The following CHST8 variants were observed in gnomAD, a reference collection of about 807,000 sequenced individuals.
CHST8 encodes the protein GALNAC-4-ST1.
CHST8 carries 10 observed loss-of-function variants against 15.0 expected under a neutral mutation model. That is an observed-to-expected ratio of 0.67 (90% CI 0.41 to 1.13). CHST8 has a LOEUF of 1.13. Ranked by LOEUF, CHST8 falls within the 50% of genes most tolerant of loss-of-function variation. CHST8 has a pLI of 0.00. For missense variants in CHST8, 634 were observed against 608.2 expected, an observed-to-expected ratio of 1.04 and a Z score of -0.45; for synonymous variants, 259 against 256.6, an observed-to-expected ratio of 1.01 and a Z score of -0.09.
In CHST8 at chr19:33,687,900, A is replaced by G. The variant is rs887247013; in HGVS notation, c.-86-1276A>G. Among the ~76,000 whole-genome samples, 3 of 152,150 alleles carry G rather than the reference A, an allele frequency of 2.0e-5. No homozygotes were observed. The South Asian group carries it at 6.2e-4, about 32-fold the overall frequency. On this transcript the variant is annotated intron_variant, in intron 2 of 4. Transcript: ENST00000650847. Reference sequence around the variant, plus strand: ...GGGAGATGTCCTTGGGCCGAGCAGCATATTTGACCTGGGGCTTAAACAGCC... The same window carrying G: ...GGGAGATGTCCTTGGGCCGAGCAGCGTATTTGACCTGGGGCTTAAACAGCC...
At chr19:33,753,306 A>G (rs777767231) in intron 3 of CHST8, among the ~76,000 whole-genome samples, 10 of 151,372 alleles carry the variant, frequency 6.6e-5, no homozygotes, top group Non-Finnish European at 1.5e-4. Context: ...CCCATCTCCA[A>G]TCTTTTCTTC....
intron 3 of CHST8, among the ~76,000 whole-genome samples, chr19:33,695,128 A>G (rs1269049134): frequency 6.6e-6 from 1 of 151,872 alleles, no homozygotes; most frequent in African/African-American, 2.4e-5. Context: ...TTTATTTTTT[A>G]TACAGACAGG....
intron 1 of CHST8, among the ~76,000 whole-genome samples, chr19:33,626,079 C>T (rs1334199840): frequency 1.3e-5 from 2 of 152,138 alleles, no homozygotes; most frequent in South Asian, 2.1e-4. Flanking sequence ...CCAGACAACC[C>T]GGGGACAGAG....
chr19:33,743,066 G>T (rs917997154), intron 3 of CHST8, among the ~76,000 whole-genome samples: 1 of 151,664 alleles, frequency 6.6e-6, no homozygotes, highest in African/African-American at 2.4e-5. Flanking sequence ...AATATAGGCT[G>T]GTGGCCCTCT....
intron 1 of CHST8, among the ~76,000 whole-genome samples, chr19:33,659,215 G>A (rs1165282243): frequency 1.3e-5 from 2 of 151,922 alleles, no homozygotes; most frequent in Non-Finnish European, 2.9e-5. Flanking sequence ...ACAGGCAAGC[G>A]CCACCACACC....
intron 1 of CHST8, among the ~76,000 whole-genome samples, chr19:33,627,500 G>T (rs1276143508): frequency 6.6e-6 from 1 of 152,102 alleles, no homozygotes; most frequent in African/African-American, 2.4e-5. Flanking sequence ...CTGGGGCTGG[G>T]GGCAGCAGAC....
intron 3 of CHST8, among the ~76,000 whole-genome samples, chr19:33,760,246 C>T (rs1487538369): frequency 2.0e-5 from 3 of 149,170 alleles, no homozygotes; most frequent in East Asian, 1.9e-4. Context: ...TCTTTCTTGC[C>T]GGCCAGCCAT....
At chr19:33,761,310 A>G (rs1396266877) in intron 3 of CHST8, among the ~76,000 whole-genome samples, 1 of 151,980 alleles carries the variant, frequency 6.6e-6, no homozygotes, top group Non-Finnish European at 1.5e-5. Flanking sequence ...GCTGGGCAGC[A>G]TAGTGAGACC....
intron 3 of CHST8, among the ~76,000 whole-genome samples, chr19:33,747,132 G>A (rs1599614034): frequency 6.6e-6 from 1 of 152,134 alleles, no homozygotes; most frequent in Non-Finnish European, 1.5e-5. Flanking sequence ...TGTAAATATG[G>A]TGGGCCAGAG....
rs1974352105 is a variant in CHST8, at chr19:33,748,330, A to C, written c.131-23083A>C. Among the ~76,000 whole-genome samples the C allele has an allele frequency of 1.3e-5, 2 of 152,222 alleles. 1 individual carries two copies. Among genetic ancestry groups the C allele is most frequent in the South Asian group, 4.1e-4 (2 of 4,832 alleles). ...TGGGTCCGAACCTGACCAAGTCCCC[A>C]CACCTGGTGAGAAGTGGAGACACAG... On this transcript the variant is annotated intron_variant, in intron 3 of 4. Transcript: ENST00000650847.
chr19:33,690,767 C>T (rs1389315370), intron 3 of CHST8, among the ~76,000 whole-genome samples: 1 of 152,224 alleles, frequency 6.6e-6, no homozygotes, highest in African/African-American at 2.4e-5. Flanking sequence ...CTCACATGAG[C>T]CCCAGAACAG....
In CHST8 at chr19:33,737,267, T is replaced by G. The variant is rs926527532; in HGVS notation, c.131-34146T>G. The stretch of plus-strand genomic sequence containing the variant: ...CTTTACTGTCTTAATAAACTTGTTT[T>G]CACTTTGCTCTGTCAGCTCACTCTT... On this transcript the variant is annotated intron_variant, in intron 3 of 4. Coordinates refer to ENST00000650847, the MANE Select transcript of CHST8 (RefSeq NM_001127895.2). Among the ~76,000 whole-genome samples the G allele has an allele frequency of 3.3e-5, 5 of 152,240 alleles. No homozygotes were observed. In the East Asian group the frequency reaches 9.6e-4, roughly 29 times the overall value.
rs377746143 is a variant in CHST8, at chr19:33,689,360, C to T, written c.99C>T (p.Asp33=). ...AGLLLFISLQ[D]PTELAPQQVP... is the part of the protein sequence containing the mutation. ...TCCTCCTCTTCATCAGCCTGCAGGA[C>T]CCTACGGAGCTCGCCCCCCAGCAGG... Residue 33 remains aspartate, a synonymous_variant, in exon 3 of 5, where the codon GAC becomes GAT. Coordinates refer to ENST00000650847, the MANE Select transcript of CHST8 (RefSeq NM_001127895.2). The T allele has an allele frequency of 9.3e-6, 15 of 1,605,620 alleles. No homozygotes were observed. Among genetic ancestry groups the T allele is most frequent in the Non-Finnish European group, 1.2e-5 (14 of 1,177,598 alleles).
At chr19:33,631,456 C>T (rs545850207) in intron 1 of CHST8, among the ~76,000 whole-genome samples, 1 of 152,262 alleles carries the variant, frequency 6.6e-6, no homozygotes, top group South Asian at 2.1e-4. Flanking sequence ...CAGAGGCTAC[C>T]TGCTGTCAGT....
chr19:33,676,741 A>G (rs1972814976), intron 2 of CHST8, among the ~76,000 whole-genome samples: 1 of 145,984 alleles, frequency 6.9e-6, no homozygotes, highest in Non-Finnish European at 1.5e-5. Context: ...GCTGGGTGTT[A>G]TAGCATGTAC....
intron 3 of CHST8, among the ~76,000 whole-genome samples, chr19:33,740,713 C>T (rs1974168678): frequency 6.6e-6 from 1 of 152,206 alleles, no homozygotes; most frequent in Admixed American, 6.5e-5. Context: ...GAGTAAACCT[C>T]TCTAGAGATT....
intron 2 of CHST8, among the ~76,000 whole-genome samples, chr19:33,670,509 A>G (rs1450515914): frequency 6.6e-6 from 1 of 152,224 alleles, no homozygotes; most frequent in East Asian, 1.9e-4. Flanking sequence ...GACACACACC[A>G]GCAGTGGTAG....
intron 3 of CHST8, among the ~76,000 whole-genome samples, chr19:33,751,937 G>A (rs1533493): frequency 0.08 from 12,255 of 152,268 alleles, 1,608 homozygotes; most frequent in African/African-American, 0.28. Flanking sequence ...CGCCAGGAGG[G>A]GTCAGGGATC....
chr19:33,704,022 G>A (rs2145282788), intron 3 of CHST8, among the ~76,000 whole-genome samples: 1 of 152,290 alleles, frequency 6.6e-6, no homozygotes, highest in Non-Finnish European at 1.5e-5. Context: ...AGGGAAGTCG[G>A]GGGCTGCCTG....
Sources: gnomAD v4.1 joint callset for allele counts (sites outside exome capture counted in the v4.1 genomes callset) on GRCh38, gnomAD v4.1.1 for gene constraint, MANE v1.5 for transcripts, NCBI Gene and HGNC (gene_info 2026-07-23, HGNC 2026-07-21) for gene names.